Variants in RSRC1 observed in about 807,000 individuals in gnomAD.
RSRC1 encodes arginine and serine rich coiled-coil 1.
Under a neutral mutation model 49.1 loss-of-function variants are expected in RSRC1, and 39 were observed. That is an observed-to-expected ratio of 0.79 (90% CI 0.61 to 1.04). The LOEUF (loss-of-function observed/expected upper bound fraction) is 1.04. Ranked by LOEUF, RSRC1 falls within the 50% of genes least tolerant of loss-of-function variation. RSRC1 has a pLI of 0.00. For missense variants in RSRC1, 388 were observed against 402.4 expected, an observed-to-expected ratio of 0.96 and a Z score of 0.31; for synonymous variants, 143 against 130.8, an observed-to-expected ratio of 1.09 and a Z score of -0.63.
At position 158,327,296 on chromosome 3, in the gene RSRC1, C is replaced by G. The variant is rs1266356190; in HGVS notation, c.532-27561C>G. Among the ~76,000 whole-genome samples the G allele has an allele frequency of 4.6e-5, 7 of 152,116 alleles. No homozygotes were observed. In the East Asian group the frequency reaches 1.3e-3, roughly 29 times the overall value. On this transcript the variant is annotated intron_variant, in intron 5 of 9. Transcript: ENST00000611884. ...GCTAGGTTTTGAATGTTTGCTCTTG[C>G]TTCTCTAGTTCTTTTAATTGTGATG...
chr3:158,289,337 G>C (rs1352665459), intron 4 of RSRC1, among the ~76,000 whole-genome samples: 1 of 152,144 alleles, frequency 6.6e-6, no homozygotes, highest in Admixed American at 6.5e-5. Flanking sequence ...TAAGTGTTCA[G>C]CTTCCCATTG....
chr3:158,216,628 A>C (rs1011628531), intron 4 of RSRC1, among the ~76,000 whole-genome samples: 2 of 151,466 alleles, frequency 1.3e-5, no homozygotes, highest in Admixed American at 6.6e-5. Context: ...CAAACAAAAA[A>C]TTGTTTAAAA....
At chr3:158,257,435 T>C (rs1475992216) in intron 4 of RSRC1, among the ~76,000 whole-genome samples, 2 of 152,198 alleles carry the variant, frequency 1.3e-5, no homozygotes, top group Non-Finnish European at 2.9e-5. Context: ...GAAATCGATT[T>C]TGTCTGATAT....
intron 6 of RSRC1, among the ~76,000 whole-genome samples, chr3:158,405,789 C>T (rs186850131): frequency 2.3e-4 from 35 of 152,238 alleles, no homozygotes; most frequent in African/African-American, 8.4e-4. Flanking sequence ...GGGAAGAAGG[C>T]ATGGCTGTTA....
intron 6 of RSRC1, among the ~76,000 whole-genome samples, chr3:158,424,525 T>C (rs1735287797): frequency 1.3e-5 from 2 of 150,576 alleles, no homozygotes; most frequent in Admixed American, 6.6e-5. Context: ...ATCAAGGATA[T>C]TGGTCTAAAA....
chr3:158,350,009 A>G (rs910092560), intron 5 of RSRC1, among the ~76,000 whole-genome samples: 16 of 151,204 alleles, frequency 1.1e-4, no homozygotes, highest in African/African-American at 3.2e-4. Flanking sequence ...TCACTGATCT[A>G]TTAATTCTAT....
chr3:158,114,491 G>C (rs1714655171), intron 1 of RSRC1, among the ~76,000 whole-genome samples: 1 of 152,028 alleles, frequency 6.6e-6, no homozygotes, highest in Non-Finnish European at 1.5e-5. Context: ...CTCTTTTTTG[G>C]TTCCATATGA....
At chr3:158,224,175 C>T (rs1200522238) in intron 4 of RSRC1, among the ~76,000 whole-genome samples, 1 of 151,792 alleles carries the variant, frequency 6.6e-6, no homozygotes, top group Non-Finnish European at 1.5e-5. Flanking sequence ...CTAAATATGT[C>T]ACTTGGATTT....
chr3:158,210,345 C>G (rs1440665458), intron 4 of RSRC1, among the ~76,000 whole-genome samples: 1 of 151,704 alleles, frequency 6.6e-6, no homozygotes, highest in Non-Finnish European at 1.5e-5. Context: ...TGTCTTCATG[C>G]AAAATTTATT....
intron 7 of RSRC1, among the ~76,000 whole-genome samples, chr3:158,518,781 C>T (rs1029334297): frequency 1.3e-5 from 2 of 152,110 alleles, no homozygotes; most frequent in African/African-American, 4.8e-5. Context: ...TGGAAACACC[C>T]TCTTTTTCAG....
rs1578388234 is a variant in RSRC1 at position 158,362,437 on chromosome 3, A to T, written c.583+7529A>T. Among the ~76,000 whole-genome samples, 3 of 152,242 alleles carry T rather than the reference A, an allele frequency of 2.0e-5. No individual in the cohort carries two copies. In the East Asian group the frequency reaches 5.8e-4, roughly 29 times the overall value. ...TACATCAGAGAACATTTTAGCTGTT[A>T]ATCTTTTGTAAGTAAGTCATTGTAG... is the stretch of plus-strand genomic sequence containing the variant. On this transcript the variant is annotated intron_variant, in intron 6 of 9. Transcript: ENST00000611884.
Position 158,166,878 on chromosome 3 carries a change from A to G in RSRC1, c.321-36194A>G, listed in dbSNP as rs1022947343. Among the ~76,000 whole-genome samples the G allele has an allele frequency of 3.9e-5, 6 of 152,328 alleles. No homozygotes were observed. In the South Asian group the frequency reaches 1.0e-3, roughly 26 times the overall value. Reference sequence around the variant, plus strand: ...GAAAGAGGAAACGTGAAACTAATACATAGATTGCTTGTTTACAATAAGTAC... The same window carrying G: ...GAAAGAGGAAACGTGAAACTAATACGTAGATTGCTTGTTTACAATAAGTAC... On this transcript the variant is annotated intron_variant, in intron 3 of 9. Transcript: ENST00000611884.
rs182681311 is a variant in RSRC1, at chr3:158,374,981, C to T, written c.583+20073C>T. ...AATTAATTCCTTCTGTTTTAACTCT[C>T]TTAAGCAATACTTGAAATGGTCGTT... On this transcript the variant is annotated intron_variant, in intron 6 of 9. Coordinates refer to ENST00000611884, the MANE Select transcript of RSRC1 (RefSeq NM_001271838.2). Among the ~76,000 whole-genome samples, 25 of 151,926 alleles carry T rather than the reference C, an allele frequency of 1.6e-4. No individual in the cohort carries two copies. The East Asian group carries it at 4.6e-3, about 28-fold the overall frequency.
chr3:158,528,322 T>A (rs1257985534), intron 7 of RSRC1, among the ~76,000 whole-genome samples: 1 of 151,982 alleles, frequency 6.6e-6, no homozygotes, highest in East Asian at 1.9e-4. Flanking sequence ...TTTGTATTCA[T>A]CTTTCCTGGT....
At chr3:158,292,970 C>T (rs1236932606) in intron 4 of RSRC1, among the ~76,000 whole-genome samples, 2 of 152,074 alleles carry the variant, frequency 1.3e-5, no homozygotes, top group Admixed American at 6.6e-5. Context: ...GCTTCTAAAA[C>T]GAGTATTATA....
chr3:158,516,853 G>C (rs899765017), intron 7 of RSRC1, among the ~76,000 whole-genome samples: 1 of 152,198 alleles, frequency 6.6e-6, no homozygotes, highest in Admixed American at 6.5e-5. Flanking sequence ...GGAGTGACCC[G>C]ATTTTCCAGG....
chr3:158,354,470 C>T (rs1276626257), intron 5 of RSRC1, among the ~76,000 whole-genome samples: 4 of 152,072 alleles, frequency 2.6e-5, no homozygotes, highest in Non-Finnish European at 1.5e-5. Flanking sequence ...TCTGACTTAC[C>T]TCAAATATTG....
intron 3 of RSRC1, among the ~76,000 whole-genome samples, chr3:158,142,679 C>G (rs1353285701): frequency 6.6e-6 from 1 of 152,082 alleles, no homozygotes; most frequent in East Asian, 1.9e-4. Flanking sequence ...TTAAACAAAC[C>G]AGATCTCCGT....
At chr3:158,415,041 G>A (rs1008033834) in intron 6 of RSRC1, among the ~76,000 whole-genome samples, 2 of 152,088 alleles carry the variant, frequency 1.3e-5, no homozygotes, top group Non-Finnish European at 2.9e-5. Flanking sequence ...CCCACAATCT[G>A]TTGGATGTCC....
Sources: allele counts gnomAD v4.1 joint callset (sites outside exome capture counted in the v4.1 genomes callset), GRCh38; gene constraint gnomAD v4.1.1; transcripts MANE v1.5; gene names NCBI Gene and HGNC (gene_info 2026-07-23, HGNC 2026-07-21).